BMI1: variants seen among roughly 807,000 people sequenced by gnomAD.
The protein encoded by BMI1 is polycomb complex protein BMI-1.
Under a neutral mutation model 39.1 loss-of-function variants are expected in BMI1, and 9 were observed. The observed-to-expected ratio is 0.23, with a 90% CI of 0.14 to 0.40. The LOEUF (loss-of-function observed/expected upper bound fraction) is 0.40, where lower values mean the gene tolerates loss of function less well. BMI1 is among the 10% of genes least tolerant of loss of function. The pLI is 1.00. For synonymous variants in BMI1, 131 were observed against 127.9 expected (o/e 1.02, Z -0.16); for missense variants, 252 against 390.8 (o/e 0.64, Z 2.99).
At chr10:22,326,360 A>G in intron 1 of BMI1, 71 bp from the exon 2 acceptor site, 1 of 1,584,368 alleles carries the variant, frequency 6.3e-7, no homozygotes, top group South Asian at 1.1e-5. Flanking sequence ...TCAGTGTTTC[A>G]GGGTTTGTGA....
chr10:22,326,650 T>G lies in BMI1; in HGVS notation c.112+89T>G. On this transcript the variant is annotated intron_variant, in intron 2 of 9. Coordinates refer to ENST00000376663, the MANE Select transcript of BMI1 (RefSeq NM_005180.9). ...AAAACTGTTAATGATTCCTGCAATC[T>G]GTGGAAATGTTGGTACAAAGTGGTG... The G allele has an allele frequency of 3.2e-6, 5 of 1,543,208 alleles. No homozygotes were observed. In the South Asian group the frequency reaches 6.3e-5, roughly 19 times the overall value.
At chr10:22,329,009 TTTG>T (rs1329864514) in intron 8 of BMI1, 36 bp from the exon 9 acceptor site, 2 of 1,547,254 alleles carry the variant, frequency 1.3e-6, no homozygotes, top group South Asian at 1.2e-5. Context: ...TACATTTACC[TTTG>T]TTCTTTTATT....
intron 1 of BMI1, among the ~76,000 whole-genome samples, chr10:22,324,505 C>G (rs1836083327): frequency 6.6e-6 from 1 of 152,244 alleles, no homozygotes. Flanking sequence ...GAGTCAGTCA[C>G]ACAAGAAGTT....
chr10:22,321,925 C>CG (rs1836012290), intron 1 of BMI1, among the ~76,000 whole-genome samples: 1 of 145,046 alleles, frequency 6.9e-6, no homozygotes, highest in Non-Finnish European at 1.5e-5. Flanking sequence ...CCGCCGCCGC[C>CG]CGCCGACTCC....
At chr10:22,328,778 CA>C (rs1836219431) in intron 8 of BMI1, 80 bp downstream of exon 8, 2 of 1,392,762 alleles carry the variant, frequency 1.4e-6, no homozygotes, top group Admixed American at 2.6e-5. Flanking sequence ...ATTTTGAACC[CA>C]AAAAAGCAAT....
intron 3 of BMI1, 109 bp downstream of exon 3, chr10:22,327,095 C>A: frequency 8.3e-7 from 1 of 1,198,658 alleles, no homozygotes; most frequent in Non-Finnish European, 1.2e-6. Context: ...GAATACATAA[C>A]TAATATGTGT....
intron 8 of BMI1, 38 bp downstream of exon 8, chr10:22,328,736 T>G (rs1836218444): frequency 6.6e-7 from 1 of 1,523,412 alleles, no homozygotes; most frequent in African/African-American, 1.4e-5. Context: ...TTTACATAGA[T>G]TTTACAATTT....
Position 22,328,710 on chromosome 10 carries a change from T to G in BMI1, c.570+12T>G, listed in dbSNP as rs1836217173. On this transcript the variant is annotated intron_variant, in intron 8 of 9. Coordinates refer to ENST00000376663, the MANE Select transcript of BMI1 (RefSeq NM_005180.9). ...CTAATACTTTCCAGGTATCTACTTT[T>G]ATATTCTTCTTGCATTTTACATAGA... 2 of 1,549,778 alleles carry G rather than the reference T, an allele frequency of 1.3e-6. No individual in the cohort carries two copies. Among genetic ancestry groups the G allele is most frequent in the Non-Finnish European group, 1.7e-6 (2 of 1,154,518 alleles).
intron 1 of BMI1, chr10:22,325,625 CCCCGCCCG>C (rs1042980990): frequency 2.2e-4 from 32 of 145,646 alleles, no homozygotes; most frequent in Admixed American, 4.8e-4. Context: ...GCCGCCCCTC[CCCCGCCCG>C]CCCGCCCGCC....
intron 1 of BMI1, among the ~76,000 whole-genome samples, chr10:22,324,598 A>G (rs1836088030): frequency 6.6e-6 from 1 of 152,202 alleles, no homozygotes; most frequent in Non-Finnish European, 1.5e-5. Context: ...TCTAGAGGTT[A>G]GCTCTTAATT....
At chr10:22,323,971 A>C (rs561242686) in intron 1 of BMI1, among the ~76,000 whole-genome samples, 1 of 152,374 alleles carries the variant, frequency 6.6e-6, no homozygotes, top group South Asian at 2.1e-4. Context: ...TTAGCATTAT[A>C]AATGGTCACA....
At chr10:22,325,047 A>G (rs1465003399) in intron 1 of BMI1, among the ~76,000 whole-genome samples, 1 of 152,218 alleles carries the variant, frequency 6.6e-6, no homozygotes, top group Non-Finnish European at 1.5e-5. Context: ...TATTGTCACT[A>G]TTGTACCGAT....
intron 1 of BMI1, chr10:22,326,140 A>G (rs1185589240): frequency 8.4e-6 from 2 of 236,888 alleles, no homozygotes; most frequent in African/African-American, 2.3e-5. Flanking sequence ...CTGGAGGACA[A>G]ATGGAAGAAA....
At chr10:22,327,231 T>G (rs1588620514) in intron 3 of BMI1, among the ~76,000 whole-genome samples, 1 of 152,298 alleles carries the variant, frequency 6.6e-6, no homozygotes, top group South Asian at 2.1e-4. Flanking sequence ...AAAACTGAGT[T>G]AGTTCACCTT....
chr10:22,325,644 C>A (rs994829391), intron 1 of BMI1: 1 of 147,062 alleles, frequency 6.8e-6, no homozygotes, highest in African/African-American at 2.5e-5. Context: ...CCCGCCCGCC[C>A]GCCGCCCCGC....
chr10:22,326,872 C>G lies in BMI1; in HGVS notation c.113-18C>G, dbSNP rs141460173. 3.1e-6 allele frequency: 5 copies of G among 1,611,422 alleles called. No homozygotes were observed. Among genetic ancestry groups the G allele is most frequent in the Non-Finnish European group, 4.2e-6 (5 of 1,179,046 alleles). The stretch of plus-strand genomic sequence containing the variant: ...CTCATTTCTAAACATAAAAAAACTT[C>G]ACATGTTCTACTTCTAGTCTGTAAA... On this transcript the variant is annotated intron_variant, in intron 2 of 9. Transcript: ENST00000376663.
chr10:22,322,813 C>T (rs938149525), intron 1 of BMI1, among the ~76,000 whole-genome samples: 8 of 152,172 alleles, frequency 5.3e-5, no homozygotes, highest in Admixed American at 4.6e-4. Context: ...AAGTTGATTG[C>T]ATATGTTTAC....
chr10:22,330,467 A>G lies in BMI1; in HGVS notation c.*925A>G, dbSNP rs1836258961. Reference sequence around the variant, plus strand: ...TTAGAAGCAATTGGCACATCTTTCTATACTTTATATACTTTTCTCCAGTAA... The same window carrying G: ...TTAGAAGCAATTGGCACATCTTTCTGTACTTTATATACTTTTCTCCAGTAA... On this transcript the variant is annotated 3_prime_UTR_variant, in exon 10 of 10. Coordinates refer to ENST00000376663, the MANE Select transcript of BMI1 (RefSeq NM_005180.9). 6.6e-6 allele frequency: 1 copy of G among 152,394 alleles called. No individual in the cohort carries two copies. Among genetic ancestry groups the G allele is most frequent in the African/African-American group, 2.4e-5 (1 of 41,470 alleles). 9.4% of individuals were successfully genotyped at this position (152,394 alleles called of 1,614,324 possible).
rs776995059 is a variant in BMI1 at position 22,326,581 on chromosome 10, T to C, written c.112+20T>C. On this transcript the variant is annotated intron_variant, in intron 2 of 9. Transcript: ENST00000376663. Reference sequence around the variant, plus strand: ...ATTCCTGTAAGTACCGAGCTTTAGCTCTCTTTTGTATCATGCGTATTTCAC... The same window carrying C: ...ATTCCTGTAAGTACCGAGCTTTAGCCCTCTTTTGTATCATGCGTATTTCAC... 6.2e-7 allele frequency: 1 copy of C among 1,612,448 alleles called. No individual in the cohort carries two copies. The highest frequency in any genetic ancestry group is 8.5e-7 in the Non-Finnish European group (1 of 1,179,532).
Sources: allele counts gnomAD v4.1 joint callset (sites outside exome capture counted in the v4.1 genomes callset), GRCh38; gene constraint gnomAD v4.1.1; transcripts MANE v1.5; gene names NCBI Gene and HGNC (gene_info 2026-07-23, HGNC 2026-07-21).